Variants in GAB1 observed in about 807,000 individuals in gnomAD.
GAB1 encodes the protein GRB2-associated-binding protein 1.
GAB1 carries 19 observed loss-of-function variants against 66.5 expected under a neutral mutation model. That is an observed-to-expected ratio of 0.29 (90% CI 0.20 to 0.42). The LOEUF is 0.42. GAB1 is among the 10% of genes least tolerant of loss of function. GAB1 has a pLI of 1.00. For synonymous variants in GAB1, 294 were observed against 301.4 expected (o/e 0.98, Z 0.25); for missense variants, 732 against 858.5 (o/e 0.85, Z 1.84).
In GAB1 at chr4:143,337,065, C is replaced by T. The variant is rs1363209325; in HGVS notation, c.-124C>T. ...CACCGTGGAGTCTGTCCGCCCAGTCCGTCCGGGGTGCGCGACCAGGAGAGC... is the reference window on the plus strand; with the variant it reads ...CACCGTGGAGTCTGTCCGCCCAGTCTGTCCGGGGTGCGCGACCAGGAGAGC... On this transcript the variant is annotated 5_prime_UTR_variant, in exon 1 of 10. Coordinates refer to ENST00000262994, the MANE Select transcript of GAB1 (RefSeq NM_002039.4). 2.6e-6 allele frequency: 2 copies of T among 781,860 alleles called. No individual in the cohort carries two copies. The highest frequency in any genetic ancestry group is 2.7e-5 in the Admixed American group (1 of 37,086). 48.4% of individuals were successfully genotyped at this position (781,860 alleles called of 1,614,324 possible).
At chr4:143,355,029 T>C (rs535602807) in intron 1 of GAB1, among the ~76,000 whole-genome samples, 1 of 152,360 alleles carries the variant, frequency 6.6e-6, no homozygotes, top group South Asian at 2.1e-4. Flanking sequence ...CTGTTGTTTT[T>C]CTAAACCATG....
intron 1 of GAB1, among the ~76,000 whole-genome samples, chr4:143,351,561 T>TTC (rs988640645): frequency 6.6e-6 from 1 of 152,150 alleles, no homozygotes; most frequent in Admixed American, 6.6e-5. Context: ...AAGGTGACCT[T>TTC]TCGGCGGCAA....
At chr4:143,369,400 C>T (rs1730022954) in intron 1 of GAB1, among the ~76,000 whole-genome samples, 1 of 152,140 alleles carries the variant, frequency 6.6e-6, no homozygotes, top group South Asian at 2.1e-4. Context: ...TCTTACCAAG[C>T]ACTTTAATTC....
In GAB1 at chr4:143,474,554, G is replaced by C. The variant is rs144998403; in HGVS notation, c.*5365G>C. The C allele has an allele frequency of 6.6e-6, 1 of 152,138 alleles. No individual in the cohort carries two copies. The highest frequency in any genetic ancestry group is 1.9e-4 in the East Asian group (1 of 5,188). 9.4% of individuals were successfully genotyped at this position (152,138 alleles called of 1,614,324 possible). On this transcript the variant is annotated 3_prime_UTR_variant, in exon 10 of 10. Coordinates refer to ENST00000262994, the MANE Select transcript of GAB1 (RefSeq NM_002039.4). ...CAATCAGTTGATTTTAAGTAAAGCA[G>C]ATTCTCATCCATAATGTTGTTGAAC...
At position 143,440,160 on chromosome 4, in the gene GAB1, C is replaced by T; in HGVS notation, c.1363C>T (p.Pro455Ser). The T allele has an allele frequency of 6.2e-7, 1 of 1,614,124 alleles. No individual in the cohort carries two copies. Among genetic ancestry groups the T allele is most frequent in the Middle Eastern group, 1.7e-4 (1 of 6,060 alleles). Residue 455 changes from proline to serine, a missense_variant, in exon 6 of 10, where the codon CCA becomes TCA. Physicochemically the swap from Pro to Ser is moderately conservative, Grantham distance 74 (BLOSUM62 -1). Around this residue, in one of 4 missense-constraint regions of GAB1, gnomAD observed 427 missense variants for 420.6 expected, o/e 1.02. Coordinates refer to ENST00000262994, the MANE Select transcript of GAB1 (RefSeq NM_002039.4). Reference protein sequence around the residue: ...ENYVPMNPNSPPRQHSSSFTE... With the variant: ...ENYVPMNPNSSPRQHSSSFTE... Reference sequence around the variant, plus strand: ...TTACGTCCCAATGAATCCCAATTCACCACCACGACAACATTCCAGCAGTTT... The same window carrying T: ...TTACGTCCCAATGAATCCCAATTCATCACCACGACAACATTCCAGCAGTTT...
intron 2 of GAB1, chr4:143,424,960 A>C: frequency 1.8e-6 from 1 of 570,700 alleles, no homozygotes; most frequent in Non-Finnish European, 3.0e-6. Flanking sequence ...ACTTTAAAAA[A>C]AGAAAAAAAA....
At chr4:143,409,861 G>GTTTGT (rs962079552) in intron 1 of GAB1, among the ~76,000 whole-genome samples, 2 of 152,094 alleles carry the variant, frequency 1.3e-5, no homozygotes, top group South Asian at 2.1e-4. Flanking sequence ...AAGGACCTGT[G>GTTTGT]TTTGTTTTGT....
At chr4:143,367,243 A>G (rs1384325382) in intron 1 of GAB1, among the ~76,000 whole-genome samples, 2 of 148,338 alleles carry the variant, frequency 1.3e-5, no homozygotes, top group African/African-American at 5.0e-5. Context: ...GAGAAAACCT[A>G]TCTTCCCATC....
At chr4:143,438,848 C>T (rs994562912) in intron 4 of GAB1, among the ~76,000 whole-genome samples, 4 of 152,190 alleles carry the variant, frequency 2.6e-5, no homozygotes, top group Admixed American at 6.5e-5. Context: ...GAAGTGTGCC[C>T]TTCTCTCTCC....
intron 1 of GAB1, among the ~76,000 whole-genome samples, chr4:143,374,283 G>T (rs143759319): frequency 5.3e-5 from 8 of 152,204 alleles, no homozygotes; most frequent in African/African-American, 1.7e-4. Flanking sequence ...GTCAAGTCAG[G>T]TGACTTGTCA....
intron 1 of GAB1, among the ~76,000 whole-genome samples, chr4:143,411,280 TC>T (rs1732375727): frequency 6.6e-6 from 1 of 152,178 alleles, no homozygotes; most frequent in Non-Finnish European, 1.5e-5. Context: ...TACCCCAAAA[TC>T]CAGACTTAAC....
At chr4:143,449,683 T>C (rs935183243) in intron 6 of GAB1, among the ~76,000 whole-genome samples, 4 of 152,206 alleles carry the variant, frequency 2.6e-5, no homozygotes, top group African/African-American at 9.6e-5. Flanking sequence ...CCTGTGTGTG[T>C]CTCTGCATGT....
intron 9 of GAB1, among the ~76,000 whole-genome samples, 174 bp downstream of exon 9, chr4:143,466,399 AT>A (rs763024996): frequency 8.5e-6 from 1 of 117,426 alleles, no homozygotes; most frequent in Admixed American, 8.4e-5. Context: ...GAGACTGATT[AT>A]TTTTTCCTTT....
intron 2 of GAB1, chr4:143,425,395 G>A (rs1733285015): frequency 2.6e-6 from 2 of 759,430 alleles, no homozygotes; most frequent in Admixed American, 3.4e-5. Context: ...CCTTCTGGGA[G>A]CCATGGCTTC....
At chr4:143,432,344 G>A (rs969776265) in intron 2 of GAB1, among the ~76,000 whole-genome samples, 2 of 152,032 alleles carry the variant, frequency 1.3e-5, no homozygotes, top group East Asian at 1.9e-4. Context: ...CCCCACATTC[G>A]GGCACCAAAA....
chr4:143,459,972 T>C (rs994827034), intron 7 of GAB1, among the ~76,000 whole-genome samples: 5 of 152,116 alleles, frequency 3.3e-5, no homozygotes, highest in Admixed American at 2.0e-4. Flanking sequence ...ATATAGGGAA[T>C]TGAGAGGAAT....
At chr4:143,453,638 G>T (rs967228045) in intron 6 of GAB1, among the ~76,000 whole-genome samples, 5 of 152,104 alleles carry the variant, frequency 3.3e-5, no homozygotes, top group Non-Finnish European at 5.9e-5. Flanking sequence ...TTAAAATTTA[G>T]TTGAGAGAAC....
Position 143,337,004 on chromosome 4 carries a change from C to T in GAB1, c.-185C>T, listed in dbSNP as rs985669595. 1.7e-6 allele frequency: 1 copy of T among 574,552 alleles called. No homozygotes were observed. Among genetic ancestry groups the T allele is most frequent in the Non-Finnish European group, 3.1e-6 (1 of 323,646 alleles). The allele number at this position is 574,552 out of a possible 1,614,324, so 35.6% of individuals were successfully genotyped here. A position where few individuals can be genotyped will look rare whatever the true frequency, so the allele number is the denominator to read the frequency against. ...CTCGCGTTCTGTTCAGGTTCGTGGG[C>T]CTGCAGAGGAGAGACTCGAACTCGT... is the stretch of plus-strand genomic sequence containing the variant. On this transcript the variant is annotated 5_prime_UTR_variant, in exon 1 of 10. Coordinates refer to ENST00000262994, the MANE Select transcript of GAB1 (RefSeq NM_002039.4).
At chr4:143,352,163 A>G (rs1360958720) in intron 1 of GAB1, among the ~76,000 whole-genome samples, 1 of 152,102 alleles carries the variant, frequency 6.6e-6, no homozygotes, top group East Asian at 1.9e-4. Context: ...TGGTAGGGGG[A>G]TGCTGAGTCA....
Sources: allele counts gnomAD v4.1 joint callset (sites outside exome capture counted in the v4.1 genomes callset), GRCh38; gene constraint gnomAD v4.1.1; regional missense constraint gnomAD v4.1.1; transcripts MANE v1.5; gene names NCBI Gene and HGNC (gene_info 2026-07-23, HGNC 2026-07-21).